PLCXD1: variants seen among roughly 807,000 people sequenced by gnomAD.
PLCXD1 encodes the protein phosphatidylinositol specific phospholipase C X domain containing 1, also known as PI-PLC X domain-containing protein 1.
A neutral mutation model predicts 37.8 loss-of-function variants in PLCXD1; 45 were observed. That is an observed-to-expected ratio of 1.19 (90% confidence interval 0.94 to 1.53). PLCXD1 has a LOEUF of 1.53. Among genes scored for constraint, PLCXD1 ranks in the 40% most tolerant of loss-of-function variants. The probability of loss-of-function intolerance (pLI) is 0.00; values close to 1 mark genes in which losing one functional copy is unlikely to be tolerated. For missense variants in PLCXD1, 539 were observed against 454.7 expected (o/e 1.19, Z -1.69); for synonymous variants, 246 against 206.9 (o/e 1.19, Z -1.62).
chrX:278,182 G>GA (rs1340950176), upstream of PLCXD1, among the ~76,000 whole-genome samples: 1 of 110,332 alleles, frequency 9.1e-6, no homozygotes, highest in Non-Finnish European at 2.0e-5. Flanking sequence ...AGGGGTCGGG[G>GA]GACGTGGGGA....
chrX:291,797 C>T (rs2069644992), intron 5 of PLCXD1, 143 bp downstream of exon 5: 14 of 935,504 alleles, frequency 1.5e-5, no homozygotes, highest in Non-Finnish European at 2.4e-5. Flanking sequence ...GCCTGCTCTC[C>T]CGCAGTGTGG....
rs1212559391 is a variant in PLCXD1 at position 302,772 on chromosome X, C to T, written c.*3437C>T. The T allele has an allele frequency of 6.6e-6, 1 of 152,098 alleles. No individual in the cohort carries two copies. Among genetic ancestry groups the T allele is most frequent in the African/African-American group, 2.4e-5 (1 of 41,420 alleles). The allele number at this position is 152,098 out of a possible 1,614,324, so 9.4% of individuals were successfully genotyped here. On this transcript the variant is annotated 3_prime_UTR_variant, in exon 7 of 7. Transcript: ENST00000381657. The stretch of plus-strand genomic sequence containing the variant: ...TGTGTTTAGCAGAGACGGGGTTTCA[C>T]CATGTTGGCCAGGCTGGTCTCGATC...
intron 2 of PLCXD1, among the ~76,000 whole-genome samples, chrX:287,394 T>C (rs990999352): frequency 7.0e-6 from 1 of 143,648 alleles, no homozygotes; most frequent in African/African-American, 2.5e-5. Context: ...CAAAAATATG[T>C]ATTTATGTAA....
chrX:282,255 G>A (rs1353363985), intron 1 of PLCXD1, among the ~76,000 whole-genome samples: 1 of 152,080 alleles, frequency 6.6e-6, no homozygotes, highest in African/African-American at 2.4e-5. Flanking sequence ...GGTGGCGGAC[G>A]CCTGTAATCC....
chrX:283,370 T>G (rs2069336714), intron 1 of PLCXD1: 2 of 151,782 alleles, frequency 1.3e-5, no homozygotes, highest in African/African-American at 4.8e-5. Context: ...TGTTATACGG[T>G]GCCTGGAGGA....
upstream of PLCXD1, among the ~76,000 whole-genome samples, chrX:280,184 C>T (rs192488403): frequency 1.5e-3 from 225 of 152,228 alleles, 1 homozygote; most frequent in African/African-American, 5.1e-3. Flanking sequence ...CTCCCCTCCA[C>T]CCCGCGGCCC....
At chrX:290,617 AG>A in intron 3 of PLCXD1, 30 bp from the exon 4 acceptor site, 1 of 1,612,458 alleles carries the variant, frequency 6.2e-7, no homozygotes, top group African/African-American at 1.3e-5. Flanking sequence ...GCGCTCAGCC[AG>A]GCAGACATGA....
At chrX:294,439 G>C (rs899563964) in intron 6 of PLCXD1, among the ~76,000 whole-genome samples, 1 of 150,600 alleles carries the variant, frequency 6.6e-6, no homozygotes, top group Non-Finnish European at 1.5e-5. Context: ...CCGAGATCAC[G>C]CCACTGAACT....
chrX:298,735 TCCTG>T (rs1370755984), intron 6 of PLCXD1, among the ~76,000 whole-genome samples: 54 of 64,250 alleles, frequency 8.4e-4, no homozygotes, highest in African/African-American at 3.9e-3. Context: ...GGGGCCATTA[TCCTG>T]TCTATCACAT....
At position 291,565 on chromosome X, in the gene PLCXD1, A is replaced by G. The variant is rs1185260174; in HGVS notation, c.460A>G (p.Arg154Gly). The change falls in exon 5 of 7, where the codon AGA becomes GGA. Residue 154 changes from arginine to glycine, a missense_variant. Physicochemically the swap from Arg to Gly is moderately radical, Grantham distance 125 (BLOSUM62 -2). Transcript: ENST00000381657. ...HPREVVILAC[R>G]NFEGLSEDLH... ...ACGCGAGGTGGTCATCCTGGCCTGCAGAAACTTCGAGGGGCTGAGCGAGGA... is the reference window on the plus strand; with the variant it reads ...ACGCGAGGTGGTCATCCTGGCCTGCGGAAACTTCGAGGGGCTGAGCGAGGA... 1.9e-6 allele frequency: 3 copies of G among 1,613,188 alleles called. No homozygotes were observed. Among genetic ancestry groups the G allele is most frequent in the Admixed American group, 3.3e-5 (2 of 60,012 alleles).
upstream of PLCXD1, among the ~76,000 whole-genome samples, chrX:278,539 G>A (rs977694840): frequency 2.0e-5 from 3 of 152,108 alleles, no homozygotes; most frequent in African/African-American, 4.8e-5. Context: ...AGGAGTTCAA[G>A]ACCAGCCTGA....
intron 6 of PLCXD1, among the ~76,000 whole-genome samples, chrX:295,475 A>T (rs2069774282): frequency 6.6e-6 from 1 of 151,406 alleles, no homozygotes; most frequent in Admixed American, 6.6e-5. Context: ...GGTTTTTTCA[A>T]CTTGGTCTCT....
Position 301,734 on chromosome X carries a change from T to C in PLCXD1, c.*2399T>C, listed in dbSNP as rs950564983. 3.3e-5 allele frequency: 5 copies of C among 152,268 alleles called. No individual in the cohort carries two copies. The highest frequency in any genetic ancestry group is 1.2e-4 in the African/African-American group (5 of 41,464). The allele number at this position is 152,268 out of a possible 1,614,324, so 9.4% of individuals were successfully genotyped here. ...TCTGCCTCCCAGGTTCAAGCAATTC[T>C]TGTGCCTCAGCCTCCTGAGTAGCTG... On this transcript the variant is annotated 3_prime_UTR_variant, in exon 7 of 7. Coordinates refer to ENST00000381657, the MANE Select transcript of PLCXD1 (RefSeq NM_018390.4).
chrX:291,678 AC>A, intron 5 of PLCXD1, 24 bp downstream of exon 5: 3 of 1,610,906 alleles, frequency 1.9e-6, no homozygotes, highest in Middle Eastern at 2.2e-4. Flanking sequence ...GGATATCCGC[AC>A]GTCTCTCCCG....
chrX:277,209 G>C (rs935354239), upstream of PLCXD1, among the ~76,000 whole-genome samples: 9 of 150,126 alleles, frequency 6.0e-5, no homozygotes, highest in Non-Finnish European at 1.3e-4. Context: ...GGGGACAGGA[G>C]GGGGCGCCCC....
intron 6 of PLCXD1, among the ~76,000 whole-genome samples, chrX:294,166 C>T (rs886650376): frequency 6.6e-6 from 1 of 152,030 alleles, no homozygotes; most frequent in African/African-American, 2.4e-5. Context: ...GGCGAAACCT[C>T]TTCTCTAGCA....
chrX:278,187 T>A, upstream of PLCXD1, among the ~76,000 whole-genome samples: 1 of 46,372 alleles, frequency 2.2e-5, no homozygotes, highest in African/African-American at 6.6e-5. Context: ...TCGGGGGACG[T>A]GGGGACAGGA....
intron 6 of PLCXD1, among the ~76,000 whole-genome samples, chrX:298,700 TG>T: frequency 1.8e-5 from 1 of 54,844 alleles, no homozygotes; most frequent in African/African-American, 1.7e-4. Context: ...GTCTATCACA[TG>T]GGGATCAGGA....
intron 1 of PLCXD1, chrX:283,945 G>A: frequency 2.1e-6 from 1 of 476,800 alleles, no homozygotes; most frequent in Middle Eastern, 5.7e-4. Context: ...GCAGTGGCGG[G>A]ATCTCCGCTC....
Sources: gnomAD v4.1 joint callset for allele counts (sites outside exome capture counted in the v4.1 genomes callset) on GRCh38, gnomAD v4.1.1 for gene constraint, MANE v1.5 for transcripts, NCBI Gene and HGNC (gene_info 2026-07-23, HGNC 2026-07-21) for gene names.